The following RAD51B variants were observed in gnomAD, a reference collection of about 807,000 sequenced individuals.
RAD51B encodes DNA repair protein RAD51 homolog 2.
In RAD51B, 38 loss-of-function variants were observed where a neutral mutation model predicts 42.2. The observed-to-expected ratio is 0.90, with a 90% CI of 0.70 to 1.18. The LOEUF (loss-of-function observed/expected upper bound fraction) is 1.18. RAD51B is among the 50% of genes most tolerant of loss of function. RAD51B has a pLI of 0.00. For synonymous variants in RAD51B, 154 were observed against 145.2 expected, an observed-to-expected ratio of 1.06 and a Z score of -0.43; for missense variants, 373 against 400.7, an observed-to-expected ratio of 0.93 and a Z score of 0.59.
intron 7 of RAD51B, among the ~76,000 whole-genome samples, chr14:67,928,277 G>A (rs564238156): frequency 2.0e-5 from 3 of 152,160 alleles, no homozygotes; most frequent in South Asian, 2.1e-4. Flanking sequence ...TTGGTCTTGC[G>A]CTGATTTAGA....
chr14:68,173,686 T>C (rs2078913980), intron 7 of RAD51B, among the ~76,000 whole-genome samples: 1 of 152,210 alleles, frequency 6.6e-6, no homozygotes, highest in Non-Finnish European at 1.5e-5. Context: ...CTTGTTGTCA[T>C]ATTGAAGCAG....
At chr14:68,367,076 G>A (rs896961816) in intron 8 of RAD51B, among the ~76,000 whole-genome samples, 12 of 152,134 alleles carry the variant, frequency 7.9e-5, no homozygotes, top group African/African-American at 2.2e-4. Flanking sequence ...ATTTTTTTCA[G>A]AGCATTTTGA....
chr14:68,181,330 T>C (rs1339892790), intron 7 of RAD51B, among the ~76,000 whole-genome samples: 2 of 152,174 alleles, frequency 1.3e-5, no homozygotes, highest in African/African-American at 4.8e-5. Flanking sequence ...GTGGGAAGCA[T>C]CTAGATGAAA....
At chr14:68,340,749 G>GT (rs1464930780) in intron 8 of RAD51B, among the ~76,000 whole-genome samples, 1 of 152,186 alleles carries the variant, frequency 6.6e-6, no homozygotes, top group Non-Finnish European at 1.5e-5. Context: ...TGAAGGGGAG[G>GT]TTTTCCCTAG....
chr14:68,076,356 A>G (rs1168695208), intron 7 of RAD51B, among the ~76,000 whole-genome samples: 1 of 152,204 alleles, frequency 6.6e-6, no homozygotes, highest in Admixed American at 6.5e-5. Context: ...TACCTTATCA[A>G]GTTAATTTTT....
Position 68,291,970 on chromosome 14 carries a change from C to T in RAD51B, c.843C>T (p.Ser281=), listed in dbSNP as rs146732812. 18 of 1,612,546 alleles carry T rather than the reference C, an allele frequency of 1.1e-5. No homozygotes were observed. The African/African-American group carries it at 1.9e-4, about 17-fold the overall frequency. Residue 281 remains serine (S), a synonymous_variant, in exon 8 of 11, where the codon TCC becomes TCT. Coordinates refer to ENST00000471583, the MANE Select transcript of RAD51B (RefSeq NM_133510.4). The part of the protein sequence containing the change: ...ADLVSPADDL[S]LSEGTSGSSC... Reference sequence around the variant, plus strand: ...TGGTGTCTCCAGCTGATGATTTGTCCCTGTCTGAAGGTAAGGAATCTGTCC... The same window carrying T: ...TGGTGTCTCCAGCTGATGATTTGTCTCTGTCTGAAGGTAAGGAATCTGTCC...
At chr14:68,374,607 T>C (rs767802219) in intron 8 of RAD51B, among the ~76,000 whole-genome samples, 4 of 151,988 alleles carry the variant, frequency 2.6e-5, no homozygotes, top group Admixed American at 6.6e-5. Context: ...CCTGTGGTCC[T>C]GGTGGGGTTA....
intron 9 of RAD51B, among the ~76,000 whole-genome samples, chr14:68,440,202 T>C (rs915956616): frequency 6.6e-6 from 1 of 152,246 alleles, no homozygotes; most frequent in African/African-American, 2.4e-5. Flanking sequence ...ACTTAATGAA[T>C]TGGAGCATTC....
intron 8 of RAD51B, among the ~76,000 whole-genome samples, chr14:68,377,309 G>A (rs2139973234): frequency 6.6e-6 from 1 of 152,294 alleles, no homozygotes; most frequent in Non-Finnish European, 1.5e-5. Context: ...GTGTATGTGG[G>A]TGTTTAATGA....
intron 7 of RAD51B, among the ~76,000 whole-genome samples, chr14:68,104,983 A>G (rs904914663): frequency 6.6e-6 from 1 of 152,100 alleles, no homozygotes; most frequent in Non-Finnish European, 1.5e-5. Flanking sequence ...ATAGGCTGTT[A>G]AGTCTGCCCA....
At chr14:68,097,194 A>T (rs976835324) in intron 7 of RAD51B, among the ~76,000 whole-genome samples, 2 of 152,194 alleles carry the variant, frequency 1.3e-5, no homozygotes, top group Middle Eastern at 3.4e-3. Flanking sequence ...TAGTCTCCTT[A>T]TAATTTGTAT....
chr14:68,639,465 G>T (rs1892410471), intron 10 of RAD51B, among the ~76,000 whole-genome samples: 1 of 152,218 alleles, frequency 6.6e-6, no homozygotes. Context: ...GTGGCTGATG[G>T]GTAGTCCCTG....
intron 10 of RAD51B, among the ~76,000 whole-genome samples, chr14:68,619,653 A>G (rs1427883445): frequency 1.3e-5 from 2 of 152,092 alleles, no homozygotes; most frequent in Admixed American, 1.3e-4. Flanking sequence ...CATGAGCAGG[A>G]GGAGTCAAAG....
intron 11 of RAD51B, among the ~76,000 whole-genome samples, chr14:68,652,079 T>C (rs957445668): frequency 2.0e-5 from 3 of 152,210 alleles, no homozygotes; most frequent in Non-Finnish European, 4.4e-5. Flanking sequence ...GACCAAGGGT[T>C]GAGGCCTCAG....
At chr14:67,947,489 A>G (rs931879525) in intron 7 of RAD51B, among the ~76,000 whole-genome samples, 1 of 152,186 alleles carries the variant, frequency 6.6e-6, no homozygotes, top group Non-Finnish European at 1.5e-5. Context: ...GACCCATGGA[A>G]GGCATTTCAT....
intron 7 of RAD51B, among the ~76,000 whole-genome samples, chr14:68,267,336 C>T (rs1230025880): frequency 6.6e-6 from 1 of 152,020 alleles, no homozygotes; most frequent in African/African-American, 2.4e-5. Context: ...TGGGGTAAGA[C>T]AAATACATAT....
intron 10 of RAD51B, among the ~76,000 whole-genome samples, chr14:68,493,480 G>A (rs915675578): frequency 1.2e-4 from 18 of 152,120 alleles, no homozygotes; most frequent in Non-Finnish European, 1.0e-4. Flanking sequence ...TACTAAAGAA[G>A]AGCCCCAATC....
intron 10 of RAD51B, chr14:68,562,752 A>C: frequency 4.1e-6 from 4 of 985,382 alleles, no homozygotes; most frequent in Non-Finnish European, 4.8e-6. Flanking sequence ...CCTCATCACC[A>C]GGGCATATCT....
At chr14:68,501,383 T>G in intron 10 of RAD51B, among the ~76,000 whole-genome samples, 1 of 152,168 alleles carries the variant, frequency 6.6e-6, no homozygotes, top group Non-Finnish European at 1.5e-5. Context: ...TTATTTTAAA[T>G]ATGAGGAAAC....
Sources: gnomAD v4.1 joint callset for allele counts (sites outside exome capture counted in the v4.1 genomes callset) on GRCh38, gnomAD v4.1.1 for gene constraint, MANE v1.5 for transcripts, NCBI Gene and HGNC (gene_info 2026-07-23, HGNC 2026-07-21) for gene names.